The following DLEU7 variants were observed in gnomAD, a reference collection of about 807,000 sequenced individuals.
The protein encoded by DLEU7 is deleted in lymphocytic leukemia 7, also known as leukemia-associated protein 7.
Under a neutral mutation model 16.0 loss-of-function variants are expected in DLEU7, and 17 were observed. The observed-to-expected ratio is 1.06, with a 90% CI of 0.73 to 1.59. DLEU7 has a LOEUF of 1.59. Among genes scored for constraint, DLEU7 ranks in the 40% most tolerant of loss-of-function variants. The pLI, the probability that DLEU7 is intolerant of heterozygous loss-of-function variation, is 0.00. For synonymous variants in DLEU7, 113 were observed against 139.8 expected (o/e 0.81, Z 1.35); for missense variants, 308 against 314.9 (o/e 0.98, Z 0.17).
chr13:50,747,406 TTG>T (rs911789141), intron 1 of DLEU7, among the ~76,000 whole-genome samples: 9 of 129,352 alleles, frequency 7.0e-5, no homozygotes, highest in African/African-American at 2.3e-4. Flanking sequence ...GTGCGCGCAT[TTG>T]TGTGTGTGTG....
chr13:50,797,320 AAGGGAGGAAACTC>A (rs1396025861), intron 1 of DLEU7, among the ~76,000 whole-genome samples: 1 of 152,178 alleles, frequency 6.6e-6, no homozygotes, highest in East Asian at 1.9e-4. Flanking sequence ...AGTACGACAT[AAGGGAGGAAACTC>A]AGCCAAAGTC....
chr13:50,837,771 C>T (rs1002719091), intron 1 of DLEU7, among the ~76,000 whole-genome samples: 5 of 151,996 alleles, frequency 3.3e-5, no homozygotes, highest in African/African-American at 9.7e-5. Context: ...TTATTATTAC[C>T]GTTAAAAGGC....
At chr13:50,721,797 A>G (rs1301347664) in intron 1 of DLEU7, among the ~76,000 whole-genome samples, 1 of 152,222 alleles carries the variant, frequency 6.6e-6, no homozygotes, top group East Asian at 1.9e-4. Context: ...CTAGTGTGGA[A>G]GGCAGTGCAT....
At chr13:50,792,442 C>T (rs1875985305) in intron 1 of DLEU7, among the ~76,000 whole-genome samples, 1 of 152,202 alleles carries the variant, frequency 6.6e-6, no homozygotes, top group Non-Finnish European at 1.5e-5. Flanking sequence ...TTCCCTTTAG[C>T]TATTCCCTAA....
rs539313119 is a variant in DLEU7, at chr13:50,728,213, G to T, written c.460-14973C>A. 1.6e-4 allele frequency among the ~76,000 whole-genome samples: 24 copies of T among 152,292 alleles called. No homozygotes were observed. The East Asian group carries it at 4.4e-3, about 28-fold the overall frequency. On this transcript the variant is annotated intron_variant, in intron 1 of 1. Transcript: ENST00000400393. ...ACATGAGGTTGGGCTTTGGTCGGGG[G>T]TGGGAATGGGTGTCTGCAGCTTTTT...
chr13:50,837,246 C>G (rs1877501828), intron 1 of DLEU7, among the ~76,000 whole-genome samples: 1 of 152,186 alleles, frequency 6.6e-6, no homozygotes, highest in South Asian at 2.1e-4. Context: ...CAGTGAAAAG[C>G]ACTTTTGTGA....
intron 1 of DLEU7, among the ~76,000 whole-genome samples, chr13:50,778,723 T>G (rs929256264): frequency 1.3e-5 from 2 of 152,224 alleles, no homozygotes; most frequent in Admixed American, 6.5e-5. Flanking sequence ...AAATGTCCAC[T>G]GATTCCCTTT....
chr13:50,796,937 C>T (rs80085145), intron 1 of DLEU7, among the ~76,000 whole-genome samples: 12,841 of 152,088 alleles, frequency 0.084, 739 homozygotes, highest in East Asian at 0.15. Flanking sequence ...TAAGCCACTA[C>T]AAATGTGGGG....
At chr13:50,818,457 AC>A (rs1187876549), downstream of DLEU7, 1 of 152,146 alleles carries the variant, frequency 6.6e-6, no homozygotes, top group African/African-American at 2.4e-5. Context: ...TTACCAAAAA[AC>A]GTAAGTGACT....
chr13:50,765,830 C>G (rs184577897), intron 1 of DLEU7, among the ~76,000 whole-genome samples: 17 of 152,178 alleles, frequency 1.1e-4, no homozygotes, highest in African/African-American at 4.1e-4. Context: ...AGGGAAGAAC[C>G]AAGGTTGAGA....
At chr13:50,793,717 A>G (rs1189561983) in intron 1 of DLEU7, among the ~76,000 whole-genome samples, 3 of 152,064 alleles carry the variant, frequency 2.0e-5, no homozygotes, top group Non-Finnish European at 4.4e-5. Context: ...TTGCTCATTG[A>G]CTTATTTAAG....
At chr13:50,814,315 T>G (rs934227815) in intron 1 of DLEU7, among the ~76,000 whole-genome samples, 4 of 151,900 alleles carry the variant, frequency 2.6e-5, no homozygotes, top group African/African-American at 9.7e-5. Flanking sequence ...CACCCATCCA[T>G]CCATCCATCC....
chr13:50,788,793 G>A (rs13313288), intron 1 of DLEU7, among the ~76,000 whole-genome samples: 4 of 152,180 alleles, frequency 2.6e-5, no homozygotes, highest in Non-Finnish European at 4.4e-5. Flanking sequence ...CATCATAACA[G>A]TGAGTGATGT....
chr13:50,798,383 G>C (rs1226752149), intron 1 of DLEU7, among the ~76,000 whole-genome samples: 1 of 152,108 alleles, frequency 6.6e-6, no homozygotes, highest in East Asian at 1.9e-4. Flanking sequence ...TAATTTTTAC[G>C]TTAAGTTCCC....
chr13:50,730,643 T>C (rs980084857), intron 1 of DLEU7, among the ~76,000 whole-genome samples: 5 of 152,068 alleles, frequency 3.3e-5, no homozygotes, highest in African/African-American at 9.7e-5. Flanking sequence ...AATCAGAGTG[T>C]GGCATGCAAC....
intron 1 of DLEU7, among the ~76,000 whole-genome samples, chr13:50,801,258 C>G (rs993031957): frequency 6.6e-6 from 1 of 152,072 alleles, no homozygotes; most frequent in Non-Finnish European, 1.5e-5. Flanking sequence ...AGTGAGCTCT[C>G]GGTAGCTGAA....
At chr13:50,748,862 C>T (rs1043754140) in intron 1 of DLEU7, among the ~76,000 whole-genome samples, 2 of 152,140 alleles carry the variant, frequency 1.3e-5, no homozygotes, top group African/African-American at 4.8e-5. Context: ...GCAGTCTCCT[C>T]TTTCATGTCT....
chr13:50,793,265 A>T (rs7984084), intron 1 of DLEU7, among the ~76,000 whole-genome samples: 52,051 of 151,932 alleles, frequency 0.34, 9,173 homozygotes, highest in African/African-American at 0.38. Flanking sequence ...ACCACATTTT[A>T]AAAATTCAGT....
intron 1 of DLEU7, among the ~76,000 whole-genome samples, chr13:50,795,676 T>G (rs1419137305): frequency 6.6e-6 from 1 of 152,218 alleles, no homozygotes; most frequent in Non-Finnish European, 1.5e-5. Context: ...CATATTTGTG[T>G]TTCTATTAAA....
Sources: gnomAD v4.1 joint callset for allele counts (sites outside exome capture counted in the v4.1 genomes callset) on GRCh38, gnomAD v4.1.1 for gene constraint, MANE v1.5 for transcripts, NCBI Gene and HGNC (gene_info 2026-07-23, HGNC 2026-07-21) for gene names.